HPRT1: variants seen among roughly 807,000 people sequenced by gnomAD.
The protein encoded by HPRT1 is hypoxanthine phosphoribosyltransferase 1, also known as hypoxanthine-guanine phosphoribosyltransferase.
HPRT1 carries 4 observed loss-of-function variants against 19.0 expected under a neutral mutation model. The ratio of observed to expected loss-of-function variants is 0.21; its 90% CI spans 0.10 to 0.48. HPRT1 has a LOEUF of 0.48. Among genes scored for constraint, HPRT1 ranks in the 20% least tolerant of loss-of-function variants. The probability of loss-of-function intolerance (pLI) is 0.98; values close to 1 mark genes in which losing one functional copy is unlikely to be tolerated. For synonymous variants in HPRT1, 53 were observed against 54.9 expected, an observed-to-expected ratio of 0.97 and a Z score of 0.15; for missense variants, 65 against 164.0, an observed-to-expected ratio of 0.40 and a Z score of 3.30.
chrX:134,475,094 G>T, intron 2 of HPRT1, 87 bp from the exon 3 acceptor site: 1 of 730,149 alleles, frequency 1.4e-6, no homozygotes, highest in Non-Finnish European at 2.1e-6. Context: ...TGCCCAGGTT[G>T]GTGTGGAAGT....
At chrX:134,495,644 G>A (rs944919320) in intron 6 of HPRT1, among the ~76,000 whole-genome samples, 1 of 111,336 alleles carries the variant, frequency 9.0e-6, no homozygotes, top group Non-Finnish European at 1.9e-5. Context: ...TCTGAGTCAC[G>A]TACCATAAAA....
intron 3 of HPRT1, among the ~76,000 whole-genome samples, chrX:134,481,499 G>C (rs761894372): frequency 2.1e-5 from 2 of 93,037 alleles, no homozygotes; most frequent in Non-Finnish European, 4.3e-5. Context: ...ATCTCTATCT[G>C]TCTATCTCTA....
In HPRT1 at chrX:134,474,505, A is replaced by G. The variant is rs765294477; in HGVS notation, c.135-676A>G. On this transcript the variant is annotated intron_variant, in intron 2 of 8. Coordinates refer to ENST00000298556, the MANE Select transcript of HPRT1 (RefSeq NM_000194.3). ...AATGATCACAGTTCACTGCAGTCTC[A>G]ACCTCCTGGGTTCAAGCGATCCTTC... 1.1e-4 allele frequency among the ~76,000 whole-genome samples: 12 copies of G among 106,368 alleles called. No individual in the cohort carries two copies. In the Admixed American group the frequency reaches 1.2e-3, roughly 11 times the overall value. 92.4% of individuals were successfully genotyped at this position (106,368 alleles called of 115,157 possible).
chrX:134,490,791 A>G (rs1347691288), intron 5 of HPRT1, among the ~76,000 whole-genome samples: 1 of 109,016 alleles, frequency 9.2e-6, no homozygotes, highest in African/African-American at 3.3e-5. Flanking sequence ...CCAGCAAGCT[A>G]TGCTTTAACA....
intron 3 of HPRT1, among the ~76,000 whole-genome samples, chrX:134,475,598 A>G (rs1164170799): frequency 9.0e-6 from 1 of 111,490 alleles, no homozygotes; most frequent in African/African-American, 3.3e-5. Context: ...AACTCCTTTT[A>G]GGAATTGCTG....
rs2077651802 is a variant in HPRT1 at position 134,486,019 on chromosome X, G to A, written c.319-446G>A. Among the ~76,000 whole-genome samples the A allele has an allele frequency of 2.7e-5, 3 of 111,674 alleles. No homozygotes were observed. In the South Asian group the frequency reaches 1.1e-3, roughly 41 times the overall value. ...TTGAGGGACATATCCTTGGGGTTGG[G>A]TGTGATATAGACCAGCCCTTACAAT... On this transcript the variant is annotated intron_variant, in intron 3 of 8. Transcript: ENST00000298556.
chrX:134,482,042 TTTTG>T (rs1299153753), intron 3 of HPRT1, among the ~76,000 whole-genome samples: 1 of 110,572 alleles, frequency 9.0e-6, no homozygotes, highest in Non-Finnish European at 1.9e-5. Flanking sequence ...ACCAGGTGGT[TTTTG>T]TTTGTTTTTT....
Position 134,500,130 on chromosome X carries a change from A to G in HPRT1, c.*53A>G. ...CATCTGGAGTCCTATTGACATCGCC[A>G]GTAAAATTATCAATGTTCTAGTTCT... On this transcript the variant is annotated 3_prime_UTR_variant, in exon 9 of 9. Coordinates refer to ENST00000298556, the MANE Select transcript of HPRT1 (RefSeq NM_000194.3). 1.2e-6 allele frequency: 1 copy of G among 820,877 alleles called. No homozygotes were observed. The allele number at this position is 820,877 out of a possible 1,213,427, so 67.6% of individuals were successfully genotyped here.
At position 134,475,164 on chromosome X, in the gene HPRT1, T is replaced by C. The variant is rs2077621358; in HGVS notation, c.135-17T>C. 8.5e-7 allele frequency: 1 copy of C among 1,174,315 alleles called. No homozygotes were observed. Among genetic ancestry groups the C allele is most frequent in the Admixed American group, 2.2e-5 (1 of 45,508 alleles). On this transcript the variant is annotated splice_polypyrimidine_tract_variant and intron_variant, in intron 2 of 8. Transcript: ENST00000298556. ...TGTATGAAACTTTCTATTAAATTCC[T>C]GATTTTATTTCTGTAGGACTGAACG...
At chrX:134,476,196 T>C (rs1281101086) in intron 3 of HPRT1, among the ~76,000 whole-genome samples, 1 of 112,050 alleles carries the variant, frequency 8.9e-6, no homozygotes, top group Non-Finnish European at 1.9e-5. Context: ...ACCACTTATC[T>C]ACATTTAACT....
intron 3 of HPRT1, among the ~76,000 whole-genome samples, chrX:134,483,890 C>T (rs1396088420): frequency 8.9e-6 from 1 of 111,881 alleles, no homozygotes; most frequent in Non-Finnish European, 1.9e-5. Flanking sequence ...AAATAAATAG[C>T]CAGGTATGGT....
chrX:134,499,931 C>G, intron 8 of HPRT1, 99 bp from the exon 9 acceptor site: 1 of 579,410 alleles, frequency 1.7e-6, no homozygotes. Context: ...TTAGTAAGAA[C>G]CCTGACAACT....
At position 134,473,090 on chromosome X, in the gene HPRT1, G is replaced by A. The variant is rs5933414; in HGVS notation, c.28-269G>A. Among the ~76,000 whole-genome samples, 783 of 108,930 alleles carry A rather than the reference G, an allele frequency of 7.2e-3. 5 individuals carry two copies. Among genetic ancestry groups the A allele is most frequent in the Middle Eastern group, 9.8e-3 (2 of 205 alleles). 94.6% of individuals were successfully genotyped at this position (108,930 alleles called of 115,157 possible). On this transcript the variant is annotated intron_variant, in intron 1 of 8. Coordinates refer to ENST00000298556, the MANE Select transcript of HPRT1 (RefSeq NM_000194.3). ...TTTTTAGTAGAGACGGGATTTCACC[G>A]TGTTGCCCAGGCTGGTCTCGAACTC...
chrX:134,478,943 C>T (rs1303160169), intron 3 of HPRT1, among the ~76,000 whole-genome samples: 1 of 112,305 alleles, frequency 8.9e-6, no homozygotes, highest in African/African-American at 3.2e-5. Context: ...AATTGTAATA[C>T]ATCAATTTTA....
rs764253391 is a variant in HPRT1 at position 134,471,736 on chromosome X, G to A, written c.28-1623G>A. On this transcript the variant is annotated intron_variant, in intron 1 of 8. Transcript: ENST00000298556. Reference sequence around the variant, plus strand: ...GCTCACTGCAACCTCCACCTCCCGGGCTCAGGTGATCCTCCTGCTTCAGCC... The same window carrying A: ...GCTCACTGCAACCTCCACCTCCCGGACTCAGGTGATCCTCCTGCTTCAGCC... 3.6e-5 allele frequency among the ~76,000 whole-genome samples: 4 copies of A among 111,056 alleles called. No homozygotes were observed. In the East Asian group the frequency reaches 8.5e-4, roughly 24 times the overall value.
chrX:134,461,058 G>T (rs939170223), intron 1 of HPRT1, among the ~76,000 whole-genome samples: 1 of 111,401 alleles, frequency 9.0e-6, no homozygotes, highest in Admixed American at 9.6e-5. Context: ...ATTCTTAACC[G>T]TAATCAGCCT....
At chrX:134,463,359 A>G (rs900115747) in intron 1 of HPRT1, among the ~76,000 whole-genome samples, 32 of 111,876 alleles carry the variant, frequency 2.9e-4, no homozygotes, top group Non-Finnish European at 1.7e-4. Context: ...AGTCCTAGAA[A>G]TGTAATCCTG....
chrX:134,468,784 T>A (rs994044228), intron 1 of HPRT1, among the ~76,000 whole-genome samples: 3 of 110,752 alleles, frequency 2.7e-5, no homozygotes, highest in African/African-American at 9.8e-5. Context: ...AAATTAGTAT[T>A]TGATATTTGA....
chrX:134,471,582 A>C (rs2077610547), intron 1 of HPRT1, among the ~76,000 whole-genome samples: 1 of 111,855 alleles, frequency 8.9e-6, no homozygotes, highest in Non-Finnish European at 1.9e-5. Flanking sequence ...CCTTACTGTG[A>C]GATGAGAGAG....
Sources: gnomAD v4.1 joint callset for allele counts (sites outside exome capture counted in the v4.1 genomes callset) on GRCh38, gnomAD v4.1.1 for gene constraint, MANE v1.5 for transcripts, NCBI Gene and HGNC (gene_info 2026-07-23, HGNC 2026-07-21) for gene names.